Variants in AFDN observed in about 807,000 individuals in gnomAD.
The protein encoded by AFDN is afadin, adherens junction formation factor.
In AFDN, 68 loss-of-function variants were observed where a neutral mutation model predicts 216.6. The ratio of observed to expected loss-of-function variants is 0.31; its 90% CI spans 0.26 to 0.38. The LOEUF is 0.38. AFDN is among the 10% of genes least tolerant of loss of function. The pLI is 1.00. For synonymous variants in AFDN, 868 were observed against 853.7 expected (o/e 1.02, Z -0.29); for missense variants, 2,136 against 2,342.0 (o/e 0.91, Z 1.82).
At chr6:167,913,776 C>T (rs1258426682) in intron 16 of AFDN, 1 of 399,920 alleles carries the variant, frequency 2.5e-6, no homozygotes, top group East Asian at 4.5e-5. Flanking sequence ...TGCATGGTGT[C>T]CAAGCCAGTG....
At chr6:167,922,769 G>T in intron 21 of AFDN, 87 bp from the exon 22 acceptor site, 3 of 823,586 alleles carry the variant, frequency 3.6e-6, no homozygotes, top group Non-Finnish European at 6.2e-6. Context: ...CCGTGTGTTG[G>T]ATATTAAGCA....
intron 1 of AFDN, among the ~76,000 whole-genome samples, chr6:167,851,610 C>T (rs974194709): frequency 6.6e-6 from 1 of 152,150 alleles, no homozygotes; most frequent in African/African-American, 2.4e-5. Context: ...ACCACCAAAC[C>T]CTGTGAAATA....
chr6:167,963,468 T>TA, intron 31 of AFDN: 1 of 1,053,894 alleles, frequency 9.5e-7, no homozygotes, highest in Non-Finnish European at 1.1e-6. Flanking sequence ...TGAACTATAT[T>TA]AATAGAACAG....
chr6:167,955,562 G>A (rs1305047817), intron 30 of AFDN, among the ~76,000 whole-genome samples: 1 of 152,114 alleles, frequency 6.6e-6, no homozygotes, highest in African/African-American at 2.4e-5. Flanking sequence ...TCCATGACAC[G>A]GTGGGCACTG....
intron 12 of AFDN, among the ~76,000 whole-genome samples, chr6:167,906,789 G>A (rs1789744261): frequency 6.6e-6 from 1 of 152,150 alleles, no homozygotes; most frequent in Non-Finnish European, 1.5e-5. Flanking sequence ...ACTTTAAAAA[G>A]ACCCTGCCTC....
chr6:167,934,820 G>T (rs548473126), intron 23 of AFDN, among the ~76,000 whole-genome samples: 1 of 152,272 alleles, frequency 6.6e-6, no homozygotes, highest in African/African-American at 2.4e-5. Flanking sequence ...GCCTGACCGA[G>T]CCTCCCTGTG....
chr6:167,951,185 G>T lies in AFDN; in HGVS notation c.3832-1G>T. On this transcript the variant is annotated splice_acceptor_variant, in intron 29 of 33. Transcript: ENST00000683244. LOFTEE classifies it high-confidence loss of function. This position sits in a 1 kb window ranked among gnomAD's most constrained non-coding sequence, Gnocchi z 7.1. ...TATAATAATTCTTTTTCTTTTTGCAGCGTGTTACACGTTCCCAAGAAGAAC... is the reference window on the plus strand; with the variant it reads ...TATAATAATTCTTTTTCTTTTTGCATCGTGTTACACGTTCCCAAGAAGAAC... 1 of 1,524,080 alleles carries T rather than the reference G, an allele frequency of 6.6e-7. No individual in the cohort carries two copies. The highest frequency in any genetic ancestry group is 1.3e-5 in the South Asian group (1 of 76,606). 94.4% of individuals were successfully genotyped at this position (1,524,080 alleles called of 1,614,324 possible). A position where few individuals can be genotyped will look rare whatever the true frequency, so the allele number is the denominator to read the frequency against.
chr6:167,933,484 C>T (rs1448049631), intron 23 of AFDN, among the ~76,000 whole-genome samples: 1 of 152,086 alleles, frequency 6.6e-6, no homozygotes, highest in Non-Finnish European at 1.5e-5. Context: ...CTAATTATGA[C>T]CATGTGGGAA....
rs1022288423 is a variant in AFDN at position 167,923,098 on chromosome 6, A to AT, written c.3012+143dup. Reference sequence around the variant, plus strand: ...CGCTGTTAAATACTGATATTCAGAAATTTTCAAGCCATAATTCATATATAT... The same window carrying AT: ...CGCTGTTAAATACTGATATTCAGAAATTTTTCAAGCCATAATTCATATATAT... On this transcript the variant is annotated intron_variant, in intron 22 of 33. Transcript: ENST00000683244. 1.2e-5 allele frequency: 7 copies of AT among 582,754 alleles called. No homozygotes were observed. In the African/African-American group the frequency reaches 1.3e-4, roughly 11 times the overall value. The allele number at this position is 582,754 out of a possible 1,614,324, so 36.1% of individuals were successfully genotyped here.
intron 23 of AFDN, among the ~76,000 whole-genome samples, chr6:167,929,379 TAGA>T (rs1381488169): frequency 6.6e-6 from 1 of 152,202 alleles, no homozygotes; most frequent in Non-Finnish European, 1.5e-5. Context: ...AGTAACAGCG[TAGA>T]AGGTTAGGTA....
intron 31 of AFDN, chr6:167,963,881 T>C (rs1298651957): frequency 1.0e-5 from 11 of 1,064,366 alleles, no homozygotes; most frequent in Non-Finnish European, 1.3e-5. Context: ...TGCTGTTCCA[T>C]GAAAGCGCTC....
At chr6:167,858,450 TTC>T (rs1431814727) in intron 1 of AFDN, among the ~76,000 whole-genome samples, 1 of 152,232 alleles carries the variant, frequency 6.6e-6, no homozygotes, top group Non-Finnish European at 1.5e-5. Flanking sequence ...ATCGTGTGCT[TTC>T]TCTCTGTTTT....
chr6:167,879,925 T>A lies in AFDN; in HGVS notation c.740-435T>A, dbSNP rs145034177. Among the ~76,000 whole-genome samples, 11 of 152,302 alleles carry A rather than the reference T, an allele frequency of 7.2e-5. No homozygotes were observed. The East Asian group carries it at 2.1e-3, about 29-fold the overall frequency. ...TAACTTTATCTGGGTTTTTAGTTTT[T>A]TTCAGATTGATGATCAGGAAGTAGG... On this transcript the variant is annotated intron_variant, in intron 5 of 33. Coordinates refer to ENST00000683244, the MANE Select transcript of AFDN (RefSeq NM_001386888.1).
intron 13 of AFDN, among the ~76,000 whole-genome samples, chr6:167,910,258 A>G (rs1369290021): frequency 5.9e-5 from 9 of 152,216 alleles, no homozygotes; most frequent in Admixed American, 4.6e-4. Flanking sequence ...ACAAATGTGT[A>G]TTCAACTGAA....
At chr6:167,959,632 C>A (rs181424234) in intron 30 of AFDN, among the ~76,000 whole-genome samples, 2 of 151,980 alleles carry the variant, frequency 1.3e-5, no homozygotes, top group East Asian at 3.9e-4. Context: ...GGTATTATGA[C>A]CCCATTTTAT....
intron 1 of AFDN, among the ~76,000 whole-genome samples, chr6:167,854,462 T>C (rs763724209): frequency 5.3e-5 from 8 of 152,102 alleles, no homozygotes; most frequent in East Asian, 1.9e-4. Flanking sequence ...GTCAAACTTA[T>C]TAACATTTCT....
At chr6:167,867,212 G>A (rs1298755504) in intron 2 of AFDN, among the ~76,000 whole-genome samples, 2 of 152,058 alleles carry the variant, frequency 1.3e-5, no homozygotes, top group Admixed American at 1.3e-4. Flanking sequence ...GTTGCACTCT[G>A]AAGGATTTTC....
chr6:167,951,765 C>A lies in AFDN; in HGVS notation c.4411C>A (p.Pro1471Thr), dbSNP rs75845754. 423 of 1,614,152 alleles carry A rather than the reference C, an allele frequency of 2.6e-4. 1 individual carries two copies. The African/African-American group carries it at 5.1e-3, about 19-fold the overall frequency. Residue 1471 changes from proline to threonine, a missense_variant, in exon 30 of 34, where the codon CCC (proline) becomes ACC (threonine). Around this residue, in one of 8 missense-constraint regions of AFDN, gnomAD observed 981 missense variants for 966.0 expected, o/e 1.02. Transcript: ENST00000683244. The surrounding 1 kb of genome is among the most constrained non-coding windows in gnomAD (Gnocchi z 7.1). ...FSPLTAQQMKPEKPSTLQRPQ... is the reference protein window; with the variant it reads ...FSPLTAQQMKTEKPSTLQRPQ... Reference sequence around the variant, plus strand: ...TCCCCTGACTGCACAGCAGATGAAGCCCGAAAAGCCTTCCACACTCCAGCG... The same window carrying A: ...TCCCCTGACTGCACAGCAGATGAAGACCGAAAAGCCTTCCACACTCCAGCG...
chr6:167,952,284 G>A (rs745534301), intron 30 of AFDN, 97 bp downstream of exon 30: 44 of 1,586,448 alleles, frequency 2.8e-5, no homozygotes, highest in Non-Finnish European at 1.3e-5. Flanking sequence ...ATCGTGATAA[G>A]GATTAAAAGG....
Sources: gnomAD v4.1 joint callset for allele counts (sites outside exome capture counted in the v4.1 genomes callset) on GRCh38, gnomAD v4.1.1 for gene constraint, gnomAD v4.1.1 regional missense constraint, Gnocchi (gnomAD v3.1) non-coding constraint, MANE v1.5 for transcripts, NCBI Gene and HGNC (gene_info 2026-07-23, HGNC 2026-07-21) for gene names.